BNC2: variants seen among roughly 807,000 people sequenced by gnomAD.
BNC2 encodes the protein basonuclin zinc finger protein 2.
Under a neutral mutation model 76.3 loss-of-function variants are expected in BNC2, and 20 were observed. The ratio of observed to expected loss-of-function variants is 0.26; its 90% CI spans 0.18 to 0.38. The LOEUF is 0.38. Among genes scored for constraint, BNC2 ranks in the 10% least tolerant of loss-of-function variants. The pLI is 1.00. For synonymous variants in BNC2, 582 were observed against 514.8 expected (o/e 1.13, Z -1.77); for missense variants, 1,382 against 1,399.8 (o/e 0.99, Z 0.20).
At chr9:16,738,516 A>T in intron 1 of BNC2, 31 bp from the exon 2 acceptor site, 18 of 1,612,022 alleles carry the variant, frequency 1.1e-5, no homozygotes, top group Non-Finnish European at 1.5e-5. Context: ...GAAATTACAT[A>T]TGCCCAGACA....
intron 1 of BNC2, among the ~76,000 whole-genome samples, chr9:16,781,078 T>C (rs901306333): frequency 2.0e-5 from 3 of 152,038 alleles, no homozygotes; most frequent in African/African-American, 7.2e-5. Flanking sequence ...TTTTTTAGAG[T>C]GGGCACTCTA....
chr9:16,599,793 A>AATATATTAAGATATGCTTAAT, intron 3 of BNC2, among the ~76,000 whole-genome samples: 2 of 152,340 alleles, frequency 1.3e-5, no homozygotes, highest in East Asian at 3.9e-4. Flanking sequence ...AAAAAAAAGT[A>AATATATTAAGATATGCTTAAT]ATATATTAAG....
intron 3 of BNC2, among the ~76,000 whole-genome samples, chr9:16,696,631 C>T (rs1414377591): frequency 6.6e-6 from 1 of 152,182 alleles, no homozygotes; most frequent in Non-Finnish European, 1.5e-5. Context: ...TTCCCAATAG[C>T]ACTTGCCATA....
chr9:16,598,975 T>C (rs904460613), intron 3 of BNC2, among the ~76,000 whole-genome samples: 15 of 152,168 alleles, frequency 9.9e-5, no homozygotes, highest in African/African-American at 3.1e-4. Context: ...TATGAATAAA[T>C]TAACAACAAA....
chr9:16,843,716 T>C (rs1016975008), intron 1 of BNC2, among the ~76,000 whole-genome samples: 2 of 152,258 alleles, frequency 1.3e-5, no homozygotes, highest in East Asian at 1.9e-4. Context: ...TGAGCTACTT[T>C]AGGTTTACCA....
rs1563926912 is a variant in BNC2 at position 16,751,642 on chromosome 9, G to GTGTATATATATATATATATGTATATA, written c.4-13158_4-13157insTATATACATATATATATATATATACA. The stretch of plus-strand genomic sequence containing the variant: ...TGTATATATATATGTATGTATATAT[G>GTGTATATATATATATATATGTATATA]TATGTGTGTATATATATATGTATGT... On this transcript the variant is annotated intron_variant, in intron 1 of 6. Coordinates refer to ENST00000380672, the MANE Select transcript of BNC2 (RefSeq NM_017637.6). Among the ~76,000 whole-genome samples the GTGTATATATATATATATATGTATATA allele has an allele frequency of 9.3e-4, 4 of 4,324 alleles. No homozygotes were observed. The East Asian group carries it at 0.037, about 41-fold the overall frequency. 2.8% of individuals were successfully genotyped at this position (4,324 alleles called of 152,430 possible).
chr9:16,510,033 T>G (rs1171579629), intron 5 of BNC2, among the ~76,000 whole-genome samples: 1 of 152,236 alleles, frequency 6.6e-6, no homozygotes, highest in Non-Finnish European at 1.5e-5. Flanking sequence ...CTAAAAGACC[T>G]GTTTGTATCT....
chr9:16,548,066 A>C lies in BNC2; in HGVS notation c.669+4464T>G, dbSNP rs35605565. 6.2e-3 allele frequency among the ~76,000 whole-genome samples: 947 copies of C among 152,306 alleles called. 3 individuals are homozygous for C. The highest frequency in any genetic ancestry group is 0.011 in the Non-Finnish European group (768 of 68,032). On this transcript the variant is annotated intron_variant, in intron 5 of 6. Transcript: ENST00000380672. ...GAGGGGCATCAATACCACTCTTCTT[A>C]TAAGGCTGTTGACATCTCAGCTAAA...
At chr9:16,635,252 C>G (rs897294296) in intron 3 of BNC2, among the ~76,000 whole-genome samples, 2 of 152,180 alleles carry the variant, frequency 1.3e-5, no homozygotes, top group Admixed American at 6.5e-5. Context: ...TCTTTAAAAG[C>G]ACCATCAGAA....
At chr9:16,795,343 C>G (rs1456151239) in intron 1 of BNC2, among the ~76,000 whole-genome samples, 1 of 150,840 alleles carries the variant, frequency 6.6e-6, no homozygotes, top group Non-Finnish European at 1.5e-5. Context: ...CACAACAGAA[C>G]TGACACAAAC....
chr9:16,484,413 G>A (rs986903955), intron 5 of BNC2, among the ~76,000 whole-genome samples: 2 of 152,128 alleles, frequency 1.3e-5, no homozygotes, highest in East Asian at 3.9e-4. Flanking sequence ...AAGCTTTCCA[G>A]ATGTCATCAC....
intron 1 of BNC2, among the ~76,000 whole-genome samples, chr9:16,834,562 C>G (rs1376639333): frequency 6.6e-6 from 1 of 152,188 alleles, no homozygotes; most frequent in Non-Finnish European, 1.5e-5. Context: ...AAGAAGAAAA[C>G]AATGCTACTT....
intron 2 of BNC2, among the ~76,000 whole-genome samples, chr9:16,736,840 CTTG>C (rs1366641995): frequency 6.7e-6 from 1 of 150,086 alleles, no homozygotes; most frequent in Non-Finnish European, 1.5e-5. Flanking sequence ...CTCTTTCACT[CTTG>C]TTGTGCAGGC....
At chr9:16,652,254 T>C (rs1821814073) in intron 3 of BNC2, among the ~76,000 whole-genome samples, 1 of 152,198 alleles carries the variant, frequency 6.6e-6, no homozygotes, top group African/African-American at 2.4e-5. Context: ...AGCACTTTTA[T>C]TAGAATTTTT....
intron 3 of BNC2, among the ~76,000 whole-genome samples, chr9:16,654,147 G>A (rs1021882943): frequency 3.3e-5 from 5 of 152,148 alleles, no homozygotes; most frequent in African/African-American, 1.2e-4. Context: ...CAGAGAGAGG[G>A]ACAAAAGCAC....
intron 5 of BNC2, among the ~76,000 whole-genome samples, chr9:16,450,582 A>T (rs1821320190): frequency 6.6e-6 from 1 of 152,250 alleles, no homozygotes; most frequent in Non-Finnish European, 1.5e-5. Flanking sequence ...TTGGGCATGC[A>T]GAAAGCTTAA....
At chr9:16,656,211 AAC>A (rs1218776087) in intron 3 of BNC2, among the ~76,000 whole-genome samples, 2 of 152,212 alleles carry the variant, frequency 1.3e-5, no homozygotes, top group Non-Finnish European at 2.9e-5. Context: ...GTGCTCAGGG[AAC>A]ACAGAAGAGA....
At chr9:16,453,831 C>A (rs112673068) in intron 5 of BNC2, among the ~76,000 whole-genome samples, 1 of 152,114 alleles carries the variant, frequency 6.6e-6, no homozygotes, top group Non-Finnish European at 1.5e-5. Flanking sequence ...ACAAACAAAA[C>A]CTCAACGGTC....
chr9:16,627,837 G>A (rs1411276494), intron 3 of BNC2, among the ~76,000 whole-genome samples: 1 of 151,942 alleles, frequency 6.6e-6, no homozygotes, highest in African/African-American at 2.4e-5. Flanking sequence ...GGGTTTAAAC[G>A]GATCATAATA....
Sources: gnomAD v4.1 joint callset for allele counts (sites outside exome capture counted in the v4.1 genomes callset) on GRCh38, gnomAD v4.1.1 for gene constraint, MANE v1.5 for transcripts, NCBI Gene and HGNC (gene_info 2026-07-23, HGNC 2026-07-21) for gene names.